Variants in OTUD7B observed in about 807,000 individuals in gnomAD.
The protein encoded by OTUD7B is OTU deubiquitinase 7B.
Under a neutral mutation model 82.2 loss-of-function variants are expected in OTUD7B, and 34 were observed. That is an observed-to-expected ratio of 0.41 (90% CI 0.31 to 0.55). OTUD7B has a LOEUF of 0.55. Among genes scored for constraint, OTUD7B ranks in the 20% least tolerant of loss-of-function variants. The pLI, the probability that OTUD7B is intolerant of heterozygous loss-of-function variation, is 0.20. For missense variants in OTUD7B, 944 were observed against 1,062.1 expected (o/e 0.89, Z 1.55); for synonymous variants, 398 against 402.7 (o/e 0.99, Z 0.14).
chr1:149,971,136 T>C lies in OTUD7B; in HGVS notation c.201A>G (p.Glu67=). The part of the protein sequence containing the change: ...SEGSGGSRTP[E]KGFSDREPTR... The stretch of plus-strand genomic sequence containing the variant: ...TAGGCTCTCTGTCAGAAAACCCTTT[T>C]TCAGGGGTCCTGGAGCCACCACTCC... The change falls in exon 3 of 12, where the codon GAA becomes GAG. Residue 67 remains glutamate (E), a synonymous_variant. Transcript: ENST00000581312. 1 of 1,613,354 alleles carries C rather than the reference T, an allele frequency of 6.2e-7. No individual in the cohort carries two copies. Among genetic ancestry groups the C allele is most frequent in the Non-Finnish European group, 8.5e-7 (1 of 1,179,488 alleles).
At chr1:149,963,815 TA>T (rs1649327079) in intron 6 of OTUD7B, 1 of 165,018 alleles carries the variant, frequency 6.1e-6, no homozygotes, top group African/African-American at 2.4e-5. Context: ...ATATATGTCC[TA>T]AAAGATTTTA....
At chr1:150,064,370 TTCTC>T in the OTUD7B span, among the ~76,000 whole-genome samples, 5 of 152,128 alleles carry the variant, frequency 3.3e-5, no homozygotes, top group African/African-American at 4.8e-5. Flanking sequence ...TTCTCTTCTC[TTCTC>T]TTTTTTCTTT....
upstream of OTUD7B, among the ~76,000 whole-genome samples, chr1:150,015,275 T>C (rs1425156325): frequency 1 from 145,733 of 145,788 alleles, 72,839 homozygotes; most frequent in Middle Eastern, 1. Flanking sequence ...TTCCTAAATT[T>C]CTTTTTTTCT....
chr1:149,939,861 G>C lies in OTUD7B; in HGVS notation c.*3996C>G, dbSNP rs2092749573. On this transcript the variant is annotated 3_prime_UTR_variant, in exon 12 of 12. Coordinates refer to ENST00000581312, the MANE Select transcript of OTUD7B (RefSeq NM_020205.4). ...GGAGAATCACTTGAACCCAGGAGAC[G>C]GTGGTTGGAGTGAGCCGAGATTGCA... 6.6e-6 allele frequency: 1 copy of C among 152,068 alleles called. No homozygotes were observed. Among genetic ancestry groups the C allele is most frequent in the Non-Finnish European group, 1.5e-5 (1 of 68,024 alleles). The allele number at this position is 152,068 out of a possible 1,614,324, so 9.4% of individuals were successfully genotyped here. A position where few individuals can be genotyped will look rare whatever the true frequency, so the allele number is the denominator to read the frequency against.
chr1:150,006,273 C>T (rs928967834), intron 1 of OTUD7B, among the ~76,000 whole-genome samples: 19 of 152,100 alleles, frequency 1.2e-4, no homozygotes, highest in Admixed American at 5.9e-4. Flanking sequence ...CTGGCTAACA[C>T]GGTGAAACCC....
intron 7 of OTUD7B, 59 bp downstream of exon 7, chr1:149,959,625 G>A: frequency 3.0e-6 from 3 of 1,013,358 alleles, no homozygotes; most frequent in Admixed American, 1.7e-5. Flanking sequence ...ACACTGGGCT[G>A]TGGAAGCCCA....
At chr1:150,018,974 A>G in the OTUD7B span, among the ~76,000 whole-genome samples, 1 of 152,176 alleles carries the variant, frequency 6.6e-6, no homozygotes, top group Non-Finnish European at 1.5e-5. Context: ...CTAAAATTAA[A>G]GCACAGTCTA....
intron 1 of OTUD7B, among the ~76,000 whole-genome samples, chr1:149,995,994 G>A (rs1013533320): frequency 2.6e-5 from 4 of 152,136 alleles, no homozygotes; most frequent in African/African-American, 9.7e-5. Context: ...GAATTGAGCA[G>A]GCAAGTTTGA....
chr1:149,986,040 C>T (rs782353244), intron 1 of OTUD7B, among the ~76,000 whole-genome samples: 1 of 152,142 alleles, frequency 6.6e-6, no homozygotes, highest in African/African-American at 2.4e-5. Context: ...GCCCCCACTG[C>T]ACCCTGTATG....
chr1:149,964,296 G>C lies in OTUD7B; in HGVS notation c.658C>G (p.Leu220Val), dbSNP rs754562190. 6.2e-7 allele frequency: 1 copy of C among 1,613,934 alleles called. No individual in the cohort carries two copies. Among genetic ancestry groups the C allele is most frequent in the Non-Finnish European group, 8.5e-7 (1 of 1,179,966 alleles). ...TCCTTCTCAACTCCCTTCTCCATCA[G>C]TGCATACAAAGCTTTCCGCAGCATC... ...DLMLRKALYA[L>V]MEKGVEKEAL... Residue 220 changes from leucine to valine, a missense_variant, in exon 6 of 12, where the codon CTG (leucine) becomes GTG (valine). Physicochemically the swap from Leu to Val is conservative, Grantham distance 32. Around this residue, in one of 3 missense-constraint regions of OTUD7B, gnomAD observed 530 missense variants for 625.6 expected, o/e 0.85. Coordinates refer to ENST00000581312, the MANE Select transcript of OTUD7B (RefSeq NM_020205.4).
chr1:150,004,202 C>G (rs1553785591), intron 1 of OTUD7B, among the ~76,000 whole-genome samples: 1 of 152,160 alleles, frequency 6.6e-6, no homozygotes, highest in African/African-American at 2.4e-5. Flanking sequence ...TCCATTCCCT[C>G]CCAGCCAACC....
chr1:149,977,122 AAAAT>A (rs1328828228), intron 2 of OTUD7B, among the ~76,000 whole-genome samples: 3 of 152,194 alleles, frequency 2.0e-5, no homozygotes, highest in African/African-American at 7.2e-5. Flanking sequence ...CTCTGTCTCA[AAAAT>A]AAATAAATAA....
intron 1 of OTUD7B, among the ~76,000 whole-genome samples, chr1:150,008,326 C>G (rs1465529094): frequency 6.6e-6 from 1 of 152,176 alleles, no homozygotes; most frequent in Admixed American, 6.5e-5. Flanking sequence ...TGATCATCAA[C>G]AGATTCTGGG....
At chr1:150,038,722 A>T in the OTUD7B span, among the ~76,000 whole-genome samples, 2 of 152,184 alleles carry the variant, frequency 1.3e-5, no homozygotes, top group African/African-American at 4.8e-5. Flanking sequence ...ATGCATTCTT[A>T]AATTATAAAG....
intron 1 of OTUD7B, among the ~76,000 whole-genome samples, chr1:150,004,207 C>A (rs890034331): frequency 6.6e-6 from 1 of 152,136 alleles, no homozygotes; most frequent in African/African-American, 2.4e-5. Context: ...TCCCTCCCAG[C>A]CAACCTGTGT....
chr1:150,039,624 C>G, the OTUD7B span, among the ~76,000 whole-genome samples: 5 of 152,210 alleles, frequency 3.3e-5, no homozygotes, highest in African/African-American at 1.2e-4. Flanking sequence ...GATCGCCTGC[C>G]TCGGCCTCCC....
At chr1:149,976,577 C>T (rs1021735991) in intron 2 of OTUD7B, among the ~76,000 whole-genome samples, 2 of 120,162 alleles carry the variant, frequency 1.7e-5, no homozygotes, top group Non-Finnish European at 3.2e-5. Flanking sequence ...CACCATTGCA[C>T]TCTAGCCTGG....
the OTUD7B span, among the ~76,000 whole-genome samples, chr1:150,032,651 AAGAAGAGG>A: frequency 6.8e-6 from 1 of 146,196 alleles, no homozygotes; most frequent in Non-Finnish European, 1.5e-5. Context: ...AAAAGAAGAA[AAGAAGAGG>A]AAGAAGAGGA....
Position 149,971,178 on chromosome 1 carries a change from G to A in OTUD7B, c.159C>T (p.Pro53=), listed in dbSNP as rs1356697111. 1.2e-6 allele frequency: 2 copies of A among 1,613,758 alleles called. No individual in the cohort carries two copies. Among genetic ancestry groups the A allele is most frequent in the Admixed American group, 1.7e-5 (1 of 60,012 alleles). ...QLRQVHAGNL[P]PSFSEGSGGS... ...CACCACTCCCCTCACTAAAGGATGGGGGTAGGTTTCCAGCATGGACTTGAC... is the reference window on the plus strand; with the variant it reads ...CACCACTCCCCTCACTAAAGGATGGAGGTAGGTTTCCAGCATGGACTTGAC... Residue 53 remains proline (P), a synonymous_variant, in exon 3 of 12, where the codon CCC becomes CCT. Transcript: ENST00000581312.
Sources: gnomAD v4.1 joint callset for allele counts (sites outside exome capture counted in the v4.1 genomes callset) on GRCh38, gnomAD v4.1.1 for gene constraint, gnomAD v4.1.1 regional missense constraint, MANE v1.5 for transcripts, NCBI Gene and HGNC (gene_info 2026-07-23, HGNC 2026-07-21) for gene names.